The following VGLL1 variants were observed in gnomAD, a reference collection of about 807,000 sequenced individuals.
VGLL1 encodes the protein transcription cofactor vestigial-like protein 1.
A neutral mutation model predicts 12.0 loss-of-function variants in VGLL1; 4 were observed. The ratio of observed to expected loss-of-function variants is 0.33; its 90% CI spans 0.16 to 0.76. The LOEUF is 0.76. Among genes scored for constraint, VGLL1 ranks in the 30% least tolerant of loss-of-function variants. VGLL1 has a pLI of 0.60. For missense variants in VGLL1, 204 were observed against 208.7 expected, an observed-to-expected ratio of 0.98 and a Z score of 0.14; for synonymous variants, 87 against 81.2, an observed-to-expected ratio of 1.07 and a Z score of -0.39.
chrX:136,539,337 C>T (rs1318499781), intron 2 of VGLL1, among the ~76,000 whole-genome samples: 2 of 111,013 alleles, frequency 1.8e-5, no homozygotes, highest in African/African-American at 3.3e-5. Flanking sequence ...CTGTCCTTTC[C>T]TCTCATGCTC....
At chrX:136,532,626 TTTC>T (rs1202191341) in intron 1 of VGLL1, among the ~76,000 whole-genome samples, 4 of 96,932 alleles carry the variant, frequency 4.1e-5, no homozygotes, top group Admixed American at 1.2e-4. Context: ...TCTTTCTTTC[TTTC>T]TTTCTTTCTT....
intron 2 of VGLL1, 34 bp downstream of exon 2, chrX:136,536,268 C>G: frequency 8.6e-7 from 1 of 1,167,824 alleles, no homozygotes. Context: ...GCTGGGATTC[C>G]CTATCAAGGC....
chrX:136,543,459 G>A (rs759515520), intron 2 of VGLL1, among the ~76,000 whole-genome samples: 4 of 111,726 alleles, frequency 3.6e-5, no homozygotes, highest in Non-Finnish European at 7.5e-5. Context: ...GTGTTCAGAG[G>A]GTTCTTGATT....
Position 136,556,508 on chromosome X carries a change from G to A in VGLL1, c.746G>A (p.Gly249Asp). Residue 249 changes from glycine to aspartate, a missense_variant, in exon 5 of 5, where the codon GGC (glycine) becomes GAC (aspartate). Physicochemically the swap from Gly to Asp is moderately conservative, Grantham distance 94. Transcript: ENST00000370634. ...TCACTTACACCACCAAACCACTGGG[G>A]CCACCCACATCGATACCTGCAGCAT... ...KYSLTPPNHWGHPHRYLQHL is the reference protein window; with the variant it reads ...KYSLTPPNHWDHPHRYLQHL 3 of 1,211,340 alleles carry A rather than the reference G, an allele frequency of 2.5e-6. No individual in the cohort carries two copies. Among genetic ancestry groups the A allele is most frequent in the South Asian group, 1.8e-5 (1 of 56,955 alleles).
At chrX:136,553,460 G>A (rs1432354653) in intron 4 of VGLL1, among the ~76,000 whole-genome samples, 4 of 109,190 alleles carry the variant, frequency 3.7e-5, no homozygotes, top group Non-Finnish European at 1.9e-5. Flanking sequence ...ACAGGCACCC[G>A]CCACAATGCC....
chrX:136,535,846 A>T (rs1015340663), intron 1 of VGLL1, 150 bp from the exon 2 acceptor site: 1 of 441,634 alleles, frequency 2.3e-6, no homozygotes, highest in African/African-American at 2.5e-5. Context: ...ATCGTCATTG[A>T]CCTTTAGGAG....
At chrX:136,554,217 A>C (rs910619033) in intron 4 of VGLL1, among the ~76,000 whole-genome samples, 3 of 111,482 alleles carry the variant, frequency 2.7e-5, no homozygotes, top group African/African-American at 6.5e-5. Flanking sequence ...AATGGGGGCC[A>C]ACTTTAGATA....
At chrX:136,533,180 G>A (rs140174187) in intron 1 of VGLL1, among the ~76,000 whole-genome samples, 121 of 111,535 alleles carry the variant, frequency 1.1e-3, no homozygotes, top group African/African-American at 3.9e-3. Flanking sequence ...TGCAGCCCAG[G>A]GAGTTGCTTG....
In VGLL1 at chrX:136,533,656, G is replaced by A. The variant is rs143945801; in HGVS notation, c.-26+1360G>A. 3.7e-4 allele frequency among the ~76,000 whole-genome samples: 42 copies of A among 112,089 alleles called. No homozygotes were observed. In the East Asian group the frequency reaches 0.01, roughly 28 times the overall value. ...CAGAGGCTTCAAGGAGAAGCCCTGA[G>A]GGAGCAGACAGAGTTGGGAGTTGCT... On this transcript the variant is annotated intron_variant, in intron 1 of 4. Transcript: ENST00000370634.
chrX:136,549,328 T>C (rs73558513), intron 3 of VGLL1, among the ~76,000 whole-genome samples: 2,829 of 111,408 alleles, frequency 0.025, 83 homozygotes, highest in African/African-American at 0.086. Context: ...GTTTACCTCA[T>C]TGGGAGCAAT....
At chrX:136,545,839 A>G (rs1267002925) in intron 2 of VGLL1, among the ~76,000 whole-genome samples, 1 of 111,140 alleles carries the variant, frequency 9.0e-6, no homozygotes, top group Non-Finnish European at 1.9e-5. Flanking sequence ...CTGGGTATGC[A>G]TGGAAAGCAG....
intron 2 of VGLL1, among the ~76,000 whole-genome samples, chrX:136,540,655 C>T (rs895110445): frequency 2.7e-5 from 3 of 112,229 alleles, no homozygotes; most frequent in African/African-American, 9.7e-5. Flanking sequence ...ACCCTCTGAG[C>T]TCCGTGGCAG....
chrX:136,537,247 C>T (rs1226278021), intron 2 of VGLL1, among the ~76,000 whole-genome samples: 1 of 110,247 alleles, frequency 9.1e-6, no homozygotes, highest in Non-Finnish European at 1.9e-5. Flanking sequence ...GTGGCTCATA[C>T]CTATATCTCT....
At chrX:136,532,627 TTCTTTCTTTC>T (rs1267094610) in intron 1 of VGLL1, among the ~76,000 whole-genome samples, 2 of 97,150 alleles carry the variant, frequency 2.1e-5, no homozygotes, top group African/African-American at 7.6e-5. Context: ...CTTTCTTTCT[TTCTTTCTTTC>T]TTTCTTTCTT....
intron 4 of VGLL1, 125 bp downstream of exon 4, chrX:136,550,946 G>A (rs760824289): frequency 3.6e-5 from 21 of 584,275 alleles, no homozygotes; most frequent in East Asian, 3.5e-5. Context: ...AGTAATGGAC[G>A]GGAGCCTTAT....
chrX:136,553,070 C>T (rs1483356583), intron 4 of VGLL1, among the ~76,000 whole-genome samples: 2 of 110,989 alleles, frequency 1.8e-5, no homozygotes, highest in African/African-American at 6.6e-5. Context: ...ACACTGTGGC[C>T]CTGGGCAGAG....
intron 4 of VGLL1, among the ~76,000 whole-genome samples, chrX:136,551,336 C>G (rs2075885653): frequency 9.0e-6 from 1 of 111,457 alleles, no homozygotes; most frequent in African/African-American, 3.3e-5. Context: ...CCCAGATGTT[C>G]AGTTTTCAGC....
Position 136,548,902 on chromosome X carries a change from A to G in VGLL1, c.528A>G (p.Arg176=), listed in dbSNP as rs2075877406. ...EPLLSLLQQD[R]CLARPQESAA... is the part of the protein sequence containing the mutation. Reference sequence around the variant, plus strand: ...TCCTAAGTCTCCTCCAGCAAGACAGATGCCTAGCCCGTCCTCAGGAATCTG... The same window carrying G: ...TCCTAAGTCTCCTCCAGCAAGACAGGTGCCTAGCCCGTCCTCAGGAATCTG... Residue 176 remains arginine (R), a synonymous_variant, in exon 3 of 5, where the codon AGA becomes AGG. Transcript: ENST00000370634. 8.2e-7 allele frequency: 1 copy of G among 1,212,206 alleles called. No individual in the cohort carries two copies.
intron 2 of VGLL1, among the ~76,000 whole-genome samples, chrX:136,544,304 A>G (rs1036367434): frequency 1.8e-5 from 2 of 112,484 alleles, no homozygotes; most frequent in South Asian, 3.7e-4. Context: ...TACATGCATC[A>G]TTGACTATAT....
Sources: allele counts gnomAD v4.1 joint callset (sites outside exome capture counted in the v4.1 genomes callset), GRCh38; gene constraint gnomAD v4.1.1; transcripts MANE v1.5; gene names NCBI Gene and HGNC (gene_info 2026-07-23, HGNC 2026-07-21).